Variants in OSBPL10 observed in about 807,000 individuals in gnomAD.
OSBPL10 encodes the protein oxysterol-binding protein-related protein 10.
In OSBPL10, 49 loss-of-function variants were observed where a neutral mutation model predicts 81.7. That is an observed-to-expected ratio of 0.60 (90% CI 0.48 to 0.76). The LOEUF (loss-of-function observed/expected upper bound fraction) is 0.76, where lower values mean the gene tolerates loss of function less well. Ranked by LOEUF, OSBPL10 falls within the 30% of genes least tolerant of loss-of-function variation. The pLI is 0.00. For missense variants in OSBPL10, 923 were observed against 987.8 expected (o/e 0.93, Z 0.88); for synonymous variants, 419 against 383.6 (o/e 1.09, Z -1.08).
intron 6 of OSBPL10, among the ~76,000 whole-genome samples, chr3:31,727,635 C>G (rs1378288410): frequency 6.6e-6 from 1 of 152,184 alleles, no homozygotes; most frequent in Non-Finnish European, 1.5e-5. Flanking sequence ...AGCTATACCT[C>G]ACTCTTCAAA....
intron 4 of OSBPL10, among the ~76,000 whole-genome samples, chr3:31,812,645 T>A (rs1277302886): frequency 6.6e-6 from 1 of 150,738 alleles, no homozygotes; most frequent in Non-Finnish European, 1.5e-5. Context: ...CCACACCTTC[T>A]CATCTCCTGA....
At chr3:31,999,782 C>T (rs966127989) in intron 2 of OSBPL10, among the ~76,000 whole-genome samples, 9 of 152,242 alleles carry the variant, frequency 5.9e-5, no homozygotes, top group Admixed American at 1.3e-4. Context: ...GCCCACAGCC[C>T]GGTGAAATGA....
At chr3:31,766,326 TTTG>T (rs1185032462) in intron 4 of OSBPL10, among the ~76,000 whole-genome samples, 9 of 31,438 alleles carry the variant, frequency 2.9e-4, no homozygotes, top group South Asian at 1.7e-3. Context: ...ATGTAGTTTT[TTTG>T]TTTTTTTGTT....
In OSBPL10 at chr3:32,066,600, A is replaced by G. The variant is rs55774044; in HGVS notation, n.185+10796T>C. The G allele has an allele frequency of 5.3e-5, 8 of 152,358 alleles. No individual in the cohort carries two copies. In the East Asian group the frequency reaches 1.5e-3, roughly 29 times the overall value. The allele number at this position is 152,358 out of a possible 1,614,324, so 9.4% of individuals were successfully genotyped here. ...CAGGAGCAGCTTGGCCATGCCAGAA[A>G]AGTCTGCCATGCCGAGAGTACCCAA... is the stretch of plus-strand genomic sequence containing the variant. On this transcript the variant is annotated intron_variant and non_coding_transcript_variant, in intron 1 of 3. Transcript: ENST00000479173.
chr3:31,943,454 T>G (rs1697594184), intron 1 of OSBPL10, among the ~76,000 whole-genome samples: 1 of 152,190 alleles, frequency 6.6e-6, no homozygotes, highest in Non-Finnish European at 1.5e-5. Flanking sequence ...AAACTTGGAC[T>G]TTTTTCCTGA....
intron 1 of OSBPL10, among the ~76,000 whole-genome samples, chr3:31,895,712 C>T (rs1213553087): frequency 3.9e-5 from 6 of 152,182 alleles, no homozygotes; most frequent in African/African-American, 1.4e-4. Context: ...ACTGCTCCCA[C>T]AAATATTTAG....
At chr3:31,843,619 C>T (rs1346978981) in intron 3 of OSBPL10, among the ~76,000 whole-genome samples, 1 of 152,156 alleles carries the variant, frequency 6.6e-6, no homozygotes, top group Non-Finnish European at 1.5e-5. Context: ...CATCTCTGAT[C>T]ATTGTTGGCC....
rs773211510 is a variant in OSBPL10 at position 31,662,043 on chromosome 3, A to C, written c.*29T>G. 1.6e-5 allele frequency: 26 copies of C among 1,612,908 alleles called. 1 individual carries two copies. The highest frequency in any genetic ancestry group is 6.7e-5 in the East Asian group (3 of 44,828). ...TTAATATTCCTACAAAAACAGGGCT[A>C]TACTGGAAAGCTCTGCACCTCCACC... On this transcript the variant is annotated 3_prime_UTR_variant, in exon 12 of 12. Transcript: ENST00000396556.
In OSBPL10 at chr3:31,837,368, TATATATAGTA is replaced by T. The variant is rs1225378629; in HGVS notation, c.538-7147_538-7138del. Among the ~76,000 whole-genome samples, 451 of 28,218 alleles carry T rather than the reference TATATATAGTA, an allele frequency of 0.016. 27 individuals carry two copies. In the East Asian group the frequency reaches 0.17, roughly 10 times the overall value. 18.5% of individuals were successfully genotyped at this position (28,218 alleles called of 152,430 possible). A position where few individuals can be genotyped will look rare whatever the true frequency, so the allele number is the denominator to read the frequency against. On this transcript the variant is annotated intron_variant, in intron 3 of 11. Transcript: ENST00000396556. ...ATATATATATATATATATATATATA[TATATATAGTA>T]AGTAACATAACACAGAGACCTTTAA...
intron 4 of OSBPL10, among the ~76,000 whole-genome samples, chr3:31,829,600 T>G (rs1356338574): frequency 6.6e-6 from 1 of 151,678 alleles, no homozygotes; most frequent in Non-Finnish European, 1.5e-5. Flanking sequence ...CCCCTTGGAG[T>G]GTGTCTATGA....
At chr3:31,796,259 G>A (rs1173150287) in intron 4 of OSBPL10, 2 of 186,722 alleles carry the variant, frequency 1.1e-5, no homozygotes, top group South Asian at 1.3e-4. Context: ...GGCTTTAAGA[G>A]TACAGCAAAT....
intron 1 of OSBPL10, among the ~76,000 whole-genome samples, chr3:31,938,867 C>A (rs964154302): frequency 1.3e-5 from 2 of 152,170 alleles, no homozygotes; most frequent in East Asian, 1.9e-4. Context: ...TAACTCCACT[C>A]TCAGACGATA....
intron 1 of OSBPL10, among the ~76,000 whole-genome samples, chr3:32,065,987 GAAAGAA>G (rs1699774876): frequency 1.5e-5 from 1 of 64,796 alleles, no homozygotes; most frequent in Non-Finnish European, 4.0e-5. Flanking sequence ...AAGAAAGAAA[GAAAGAA>G]AGAAAGAAAG....
chr3:32,013,706 A>G (rs1006394321), intron 2 of OSBPL10, among the ~76,000 whole-genome samples: 12 of 152,234 alleles, frequency 7.9e-5, no homozygotes, highest in African/African-American at 2.9e-4. Flanking sequence ...AGCAAGACTA[A>G]TAAAGAAGAA....
chr3:31,826,113 T>C (rs1700095851), intron 4 of OSBPL10, among the ~76,000 whole-genome samples: 2 of 152,218 alleles, frequency 1.3e-5, no homozygotes. Flanking sequence ...CCCAGTTCCA[T>C]AAATTGTTTC....
intron 4 of OSBPL10, among the ~76,000 whole-genome samples, chr3:31,753,886 G>A (rs1318159974): frequency 6.6e-6 from 1 of 152,068 alleles, no homozygotes; most frequent in Non-Finnish European, 1.5e-5. Context: ...CTGTGGAGGT[G>A]GTGTTCTTCC....
intron 3 of OSBPL10, among the ~76,000 whole-genome samples, chr3:31,862,695 T>C (rs1411340806): frequency 6.6e-6 from 1 of 152,144 alleles, no homozygotes; most frequent in African/African-American, 2.4e-5. Context: ...CTTAACATCA[T>C]TCATTAGGGA....
chr3:31,867,328 C>T (rs1701204073), intron 3 of OSBPL10, among the ~76,000 whole-genome samples: 1 of 152,178 alleles, frequency 6.6e-6, no homozygotes, highest in South Asian at 2.1e-4. Context: ...TCTACATTTT[C>T]TTGCTTTTTT....
intron 4 of OSBPL10, among the ~76,000 whole-genome samples, chr3:31,805,403 G>A (rs1432888160): frequency 6.6e-6 from 1 of 152,142 alleles, no homozygotes; most frequent in Non-Finnish European, 1.5e-5. Context: ...AGCTCATGGG[G>A]CTTCAAACAG....
Sources: allele counts gnomAD v4.1 joint callset (sites outside exome capture counted in the v4.1 genomes callset), GRCh38; gene constraint gnomAD v4.1.1; transcripts MANE v1.5; gene names NCBI Gene and HGNC (gene_info 2026-07-23, HGNC 2026-07-21).